RAPGEF2: variants seen among roughly 807,000 people sequenced by gnomAD.
RAPGEF2 encodes the protein PDZ domain containing guanine nucleotide exchange factor (GEF) 1.
A neutral mutation model predicts 186.7 loss-of-function variants in RAPGEF2; 54 were observed. The observed-to-expected ratio is 0.29, with a 90% confidence interval of 0.23 to 0.36. The LOEUF (loss-of-function observed/expected upper bound fraction) is 0.36, where lower values mean the gene tolerates loss of function less well. Ranked by LOEUF, RAPGEF2 falls within the 10% of genes least tolerant of loss-of-function variation. The pLI, the probability that RAPGEF2 is intolerant of heterozygous loss-of-function variation, is 1.00. For synonymous variants in RAPGEF2, 712 were observed against 705.9 expected, an observed-to-expected ratio of 1.01 and a Z score of -0.14; for missense variants, 1,532 against 2,045.0, an observed-to-expected ratio of 0.75 and a Z score of 4.84.
chr4:159,261,073 T>C (rs1756790126), intron 7 of RAPGEF2, among the ~76,000 whole-genome samples: 1 of 149,954 alleles, frequency 6.7e-6, no homozygotes, highest in African/African-American at 2.4e-5. Flanking sequence ...GTTAATTTTT[T>C]TTTTTTTTAG....
At chr4:159,232,069 G>A (rs7654706) in intron 4 of RAPGEF2, among the ~76,000 whole-genome samples, 93,145 of 151,992 alleles carry the variant, frequency 0.61, 29,644 homozygotes, top group African/African-American at 0.73. Flanking sequence ...AGTAAACCCA[G>A]ATATCCTGTC....
At chr4:159,188,028 C>G (rs1278803323) in intron 2 of RAPGEF2, among the ~76,000 whole-genome samples, 1 of 151,802 alleles carries the variant, frequency 6.6e-6, no homozygotes, top group African/African-American at 2.4e-5. Flanking sequence ...AAAATTAAGT[C>G]AAGTTTTATT....
At chr4:159,211,942 T>C (rs1283825460) in intron 4 of RAPGEF2, among the ~76,000 whole-genome samples, 2 of 152,156 alleles carry the variant, frequency 1.3e-5, no homozygotes, top group Non-Finnish European at 2.9e-5. Flanking sequence ...ATTGTAGTAG[T>C]AAAAATAATA....
chr4:159,325,973 A>G (rs1473157890), intron 11 of RAPGEF2, among the ~76,000 whole-genome samples: 1 of 152,152 alleles, frequency 6.6e-6, no homozygotes, highest in African/African-American at 2.4e-5. Context: ...TGTGAAGTTA[A>G]TTATGAAGAG....
intron 1 of RAPGEF2, among the ~76,000 whole-genome samples, chr4:159,168,700 C>A (rs1241560024): frequency 3.3e-5 from 5 of 152,104 alleles, no homozygotes; most frequent in African/African-American, 1.2e-4. Context: ...CCTGATGATA[C>A]ATGTAGGATA....
chr4:159,185,486 A>T (rs550640817), intron 1 of RAPGEF2, among the ~76,000 whole-genome samples: 1 of 152,236 alleles, frequency 6.6e-6, no homozygotes, highest in African/African-American at 2.4e-5. Context: ...ATTTGGCAAT[A>T]AAAAGGAAAG....
rs1762874873 is a variant in RAPGEF2 at position 159,303,191 on chromosome 4, T to C, written c.544-1151T>C. Among the ~76,000 whole-genome samples the C allele has an allele frequency of 3.3e-5, 5 of 152,168 alleles. No individual in the cohort carries two copies. In the South Asian group the frequency reaches 1.0e-3, roughly 32 times the overall value. On this transcript the variant is annotated intron_variant, in intron 7 of 29. Transcript: ENST00000691494. Reference sequence around the variant, plus strand: ...TACTTGGAGCTCCGAAGTATCAAAATCCATTGATCATTGTCGTAAATCCAA... The same window carrying C: ...TACTTGGAGCTCCGAAGTATCAAAACCCATTGATCATTGTCGTAAATCCAA...
At chr4:159,255,910 TA>T (rs948296551) in intron 7 of RAPGEF2, among the ~76,000 whole-genome samples, 1 of 152,168 alleles carries the variant, frequency 6.6e-6, no homozygotes, top group African/African-American at 2.4e-5. Flanking sequence ...TTACTTCCTA[TA>T]AAATATAACC....
At chr4:159,279,905 T>C (rs1017135745) in intron 7 of RAPGEF2, among the ~76,000 whole-genome samples, 2 of 151,940 alleles carry the variant, frequency 1.3e-5, no homozygotes, top group Non-Finnish European at 2.9e-5. Context: ...GCTGCTCTCT[T>C]AACTCCTGAG....
chr4:159,118,765 A>G (rs947090415), intron 1 of RAPGEF2, among the ~76,000 whole-genome samples: 1 of 152,034 alleles, frequency 6.6e-6, no homozygotes, highest in Non-Finnish European at 1.5e-5. Context: ...TGGTATATGT[A>G]GTAGAGATGG....
In RAPGEF2 at chr4:159,330,099, G is replaced by A. The variant is rs62339285; in HGVS notation, c.1302+89G>A. 2.9e-6 allele frequency: 4 copies of A among 1,362,538 alleles called. No homozygotes were observed. The South Asian group carries it at 5.6e-5, about 19-fold the overall frequency. The allele number at this position is 1,362,538 out of a possible 1,614,324, so 84.4% of individuals were successfully genotyped here. On this transcript the variant is annotated intron_variant, in intron 12 of 29. Coordinates refer to ENST00000691494, the MANE Select transcript of RAPGEF2 (RefSeq NM_001394067.2). ...GTTTAGGATTTTTTTTCATTTTTAGGCCTATCTCTTAAAGGTTATCAGTTG... is the reference window on the plus strand; with the variant it reads ...GTTTAGGATTTTTTTTCATTTTTAGACCTATCTCTTAAAGGTTATCAGTTG...
chr4:159,135,178 G>A (rs1741584934), intron 1 of RAPGEF2, among the ~76,000 whole-genome samples: 2 of 152,080 alleles, frequency 1.3e-5, no homozygotes, highest in African/African-American at 2.4e-5. Flanking sequence ...TGAGTAGCTG[G>A]TACTATAGGT....
intron 2 of RAPGEF2, among the ~76,000 whole-genome samples, chr4:159,189,056 A>G (rs1239122244): frequency 6.6e-6 from 1 of 152,186 alleles, no homozygotes; most frequent in Non-Finnish European, 1.5e-5. Context: ...TAATACTACA[A>G]TTTCTGGGAA....
At chr4:159,321,502 C>T (rs1331278091) in intron 9 of RAPGEF2, among the ~76,000 whole-genome samples, 1 of 152,184 alleles carries the variant, frequency 6.6e-6, no homozygotes, top group African/African-American at 2.4e-5. Context: ...GCCACTGCGC[C>T]TGGTCTTGCC....
chr4:159,251,599 G>A (rs191235465), intron 7 of RAPGEF2, among the ~76,000 whole-genome samples: 26 of 152,006 alleles, frequency 1.7e-4, no homozygotes, highest in Admixed American at 8.5e-4. Context: ...ATTTGTAAAC[G>A]CACCAATCAG....
chr4:159,320,541 C>G (rs903388924), intron 9 of RAPGEF2, among the ~76,000 whole-genome samples: 4 of 152,082 alleles, frequency 2.6e-5, no homozygotes, highest in African/African-American at 9.7e-5. Flanking sequence ...CAACACTGTC[C>G]TATTGGACAG....
chr4:159,313,025 G>T (rs1198274033), intron 8 of RAPGEF2, among the ~76,000 whole-genome samples: 3 of 152,106 alleles, frequency 2.0e-5, no homozygotes, highest in Non-Finnish European at 2.9e-5. Context: ...GTGCACACCT[G>T]TAGTCCCAGC....
chr4:159,283,121 G>C (rs1759956322), intron 7 of RAPGEF2, among the ~76,000 whole-genome samples: 1 of 152,058 alleles, frequency 6.6e-6, no homozygotes, highest in African/African-American at 2.4e-5. Context: ...AGCTCTTAAG[G>C]CTTAAGCAAA....
intron 7 of RAPGEF2, among the ~76,000 whole-genome samples, chr4:159,245,602 G>A (rs1488023770): frequency 1.3e-5 from 2 of 152,006 alleles, no homozygotes; most frequent in Non-Finnish European, 2.9e-5. Context: ...TCTCTGTATT[G>A]ATCAGTAATT....
Sources: allele counts gnomAD v4.1 joint callset (sites outside exome capture counted in the v4.1 genomes callset), GRCh38; gene constraint gnomAD v4.1.1; transcripts MANE v1.5; gene names NCBI Gene and HGNC (gene_info 2026-07-23, HGNC 2026-07-21).